Variants in PLXNA1 observed in about 807,000 individuals in gnomAD.
PLXNA1 encodes plexin-A1.
In PLXNA1, 77 loss-of-function variants were observed where a neutral mutation model predicts 191.7. That is an observed-to-expected ratio of 0.40 (90% CI 0.33 to 0.49). The LOEUF is 0.49. Ranked by LOEUF, PLXNA1 falls within the 20% of genes least tolerant of loss-of-function variation. The probability of loss-of-function intolerance (pLI) is 0.63; values close to 1 mark genes in which losing one functional copy is unlikely to be tolerated. For missense variants in PLXNA1, 2,110 were observed against 2,660.2 expected (o/e 0.79, Z 4.55); for synonymous variants, 1,137 against 1,156.4 (o/e 0.98, Z 0.34).
Position 127,017,481 on chromosome 3 carries a change from C to A in PLXNA1, c.3333C>A (p.Asn1111Lys). 1.2e-6 allele frequency: 2 copies of A among 1,613,518 alleles called. No homozygotes were observed. The highest frequency in any genetic ancestry group is 4.5e-5 in the East Asian group (2 of 44,872). The stretch of plus-strand genomic sequence containing the variant: ...TATGCCGCGCCCCGTCTGTGGCCAA[C>A]CCTGTGCGCAGCCCACCAGAGCTGG... ...TMVCRAPSVA[N>K]PVRSPPELGE... The change falls in exon 18 of 32, where the codon AAC (asparagine) becomes AAA (lysine). Residue 1111 changes from asparagine to lysine, a missense_variant. Around this residue, in one of 4 missense-constraint regions of PLXNA1, gnomAD observed 644 missense variants for 714.3 expected, o/e 0.90. Coordinates refer to ENST00000393409, the MANE Select transcript of PLXNA1 (RefSeq NM_032242.4).
At chr3:126,998,846 G>C (rs1452940225) in intron 3 of PLXNA1, among the ~76,000 whole-genome samples, 1 of 152,186 alleles carries the variant, frequency 6.6e-6, no homozygotes, top group Non-Finnish European at 1.5e-5. Flanking sequence ...GGGGGTGGAA[G>C]AGATGGGATT....
Position 127,011,942 on chromosome 3 carries a change from CTCT to C in PLXNA1, c.2113-11_2113-9del. On this transcript the variant is annotated splice_polypyrimidine_tract_variant and intron_variant, in intron 9 of 31. Transcript: ENST00000393409. ...GTCTCCGCCCCCGGGCTCAGCCAAA[CTCT>C]TCTTATCCCCAGGACTGCCCACAGA... The C allele has an allele frequency of 6.2e-7, 1 of 1,606,790 alleles. No individual in the cohort carries two copies. Among genetic ancestry groups the C allele is most frequent in the Non-Finnish European group, 8.5e-7 (1 of 1,174,264 alleles).
intron 9 of PLXNA1, among the ~76,000 whole-genome samples, chr3:127,010,507 C>T (rs1229415051): frequency 4.6e-5 from 7 of 152,056 alleles, no homozygotes; most frequent in African/African-American, 9.7e-5. Context: ...CTGAGAGGAC[C>T]GGGTGTGGCC....
chr3:127,021,739 C>T (rs547126142), intron 21 of PLXNA1, among the ~76,000 whole-genome samples: 3 of 152,284 alleles, frequency 2.0e-5, no homozygotes, highest in South Asian at 2.1e-4. Context: ...GAGAGGGTGG[C>T]GTGAGCAGCC....
chr3:126,988,018 A>G (rs988029504), intron 1 of PLXNA1, among the ~76,000 whole-genome samples: 1 of 152,110 alleles, frequency 6.6e-6, no homozygotes, highest in Non-Finnish European at 1.5e-5. Flanking sequence ...GGGAGTGAGC[A>G]CTAAAGCCCA....
At position 126,988,528 on chromosome 3, in the gene PLXNA1, G is replaced by A. The variant is rs2078972116; in HGVS notation, c.-66G>A. The A allele has an allele frequency of 3.7e-6, 5 of 1,365,810 alleles. No homozygotes were observed. The highest frequency in any genetic ancestry group is 4.8e-6 in the Non-Finnish European group (5 of 1,034,440). 84.6% of individuals were successfully genotyped at this position (1,365,810 alleles called of 1,614,324 possible). The stretch of plus-strand genomic sequence containing the variant: ...CTTCTGCCCCTTCCCCAGGGCTGAA[G>A]CTCCTGGCACCATGATGCTCACCCC... On this transcript the variant is annotated 5_prime_UTR_variant, in exon 2 of 32. Coordinates refer to ENST00000393409, the MANE Select transcript of PLXNA1 (RefSeq NM_032242.4).
At chr3:127,004,530 G>A (rs73196537) in intron 4 of PLXNA1, 81 bp from the exon 5 acceptor site, 2 of 970,000 alleles carry the variant, frequency 2.1e-6, no homozygotes, top group Non-Finnish European at 3.2e-6. Flanking sequence ...CCTAAGGAGA[G>A]CAGAGTAGGG....
chr3:127,027,755 T>A (rs768537164), intron 23 of PLXNA1, 185 bp from the exon 24 acceptor site: 45 of 785,222 alleles, frequency 5.7e-5, no homozygotes, highest in Non-Finnish European at 9.1e-5. Flanking sequence ...ATGTTTTGTT[T>A]CCTGATTTTC....
intron 21 of PLXNA1, among the ~76,000 whole-genome samples, chr3:127,021,584 G>A (rs1339007934): frequency 2.6e-5 from 4 of 152,202 alleles, no homozygotes; most frequent in Non-Finnish European, 4.4e-5. Context: ...GCAGAGACTG[G>A]TCGTGCATTG....
chr3:126,989,467 T>C lies in PLXNA1; in HGVS notation c.874T>C (p.Phe292Leu). Residue 292 changes from phenylalanine to leucine, a missense_variant, in exon 2 of 32, where the codon TTC becomes CTC. Physicochemically the swap from Phe to Leu is conservative, Grantham distance 22. Coordinates refer to ENST00000393409, the MANE Select transcript of PLXNA1 (RefSeq NM_032242.4). ...IVRLCVDDPK[F>L]YSYVEFPIGC... ...GCGGCTCTGTGTGGACGACCCCAAA[T>C]TCTACTCGTACGTTGAGTTCCCCAT... 6.2e-7 allele frequency: 1 copy of C among 1,613,676 alleles called. No homozygotes were observed. The highest frequency in any genetic ancestry group is 8.5e-7 in the Non-Finnish European group (1 of 1,180,028).
rs1299450244 is a variant in PLXNA1 at position 126,990,349 on chromosome 3, CCA to C, written c.1194+565_1194+566del. Among the ~76,000 whole-genome samples the C allele has an allele frequency of 6.6e-5, 10 of 152,352 alleles. No individual in the cohort carries two copies. In the South Asian group the frequency reaches 1.7e-3, roughly 25 times the overall value. On this transcript the variant is annotated intron_variant, in intron 2 of 31. Coordinates refer to ENST00000393409, the MANE Select transcript of PLXNA1 (RefSeq NM_032242.4). ...GGAGCTGATGGTGTCCTGGTGCAGG[CCA>C]CAGTTAACAACTTGCAGAGAAAGTG...
chr3:127,034,110 G>A lies in PLXNA1; in HGVS notation c.*93G>A, dbSNP rs1230496123. ...ACCGCATGCGTGTGGAGTGTCCGGT[G>A]GTGCTCGGGCCGCCGCAGTGCAGCG... On this transcript the variant is annotated 3_prime_UTR_variant, in exon 32 of 32. Coordinates refer to ENST00000393409, the MANE Select transcript of PLXNA1 (RefSeq NM_032242.4). The A allele has an allele frequency of 3.4e-6, 4 of 1,190,276 alleles. No homozygotes were observed. Among genetic ancestry groups the A allele is most frequent in the African/African-American group, 3.0e-5 (2 of 65,744 alleles). 73.7% of individuals were successfully genotyped at this position (1,190,276 alleles called of 1,614,324 possible).
chr3:126,988,901 C>A lies in PLXNA1; in HGVS notation c.308C>A (p.Ser103Tyr), dbSNP rs778668805. 4.3e-6 allele frequency: 7 copies of A among 1,613,292 alleles called. No individual in the cohort carries two copies. Among genetic ancestry groups the A allele is most frequent in the Non-Finnish European group, 5.9e-6 (7 of 1,180,016 alleles). ...EKCYPPPSVQ[S>Y]CPHGLGSTDN... ...TGCTACCCGCCGCCCAGCGTGCAGT[C>A]CTGCCCCCACGGCCTGGGCAGTACT... is the stretch of plus-strand genomic sequence containing the variant. Residue 103 changes from serine (S) to tyrosine (Y), a missense_variant, in exon 2 of 32, where the codon TCC becomes TAC. By Grantham distance (144) the Ser-to-Tyr change is moderately radical. Around this residue, in one of 4 missense-constraint regions of PLXNA1, gnomAD observed 903 missense variants for 1,015.7 expected, o/e 0.89. Coordinates refer to ENST00000393409, the MANE Select transcript of PLXNA1 (RefSeq NM_032242.4).
intron 7 of PLXNA1, 33 bp from the exon 8 acceptor site, chr3:127,006,046 A>C (rs1396228787): frequency 1.3e-6 from 2 of 1,555,208 alleles, no homozygotes; most frequent in Admixed American, 1.7e-5. Context: ...CTGGGCAAGC[A>C]GTCCTGGTGA....
Position 127,014,429 on chromosome 3 carries a change from C to T in PLXNA1, c.2605-49C>T, listed in dbSNP as rs747309070. The T allele has an allele frequency of 1.8e-5, 28 of 1,579,012 alleles. No homozygotes were observed. In the African/African-American group the frequency reaches 3.2e-4, roughly 18 times the overall value. On this transcript the variant is annotated intron_variant, in intron 12 of 31. Coordinates refer to ENST00000393409, the MANE Select transcript of PLXNA1 (RefSeq NM_032242.4). ...CCATGCCCCGCCCTGCACCACCGCA[C>T]ACCCTACGCCCTGTGGGATGCCTGT...
In PLXNA1 at chr3:127,029,309, C is replaced by G. The variant is rs539534850; in HGVS notation, c.4774-131C>G. 164 of 919,562 alleles carry G rather than the reference C, an allele frequency of 1.8e-4. No individual in the cohort carries two copies. In the South Asian group the frequency reaches 2.2e-3, roughly 13 times the overall value. 57.0% of individuals were successfully genotyped at this position (919,562 alleles called of 1,614,324 possible). On this transcript the variant is annotated intron_variant, in intron 26 of 31. Transcript: ENST00000393409. ...CCCTGGGCTGTCCTGATATAGAGTT[C>G]CAGACTGAGTGAGGTGGCTGCCTCC...
Position 127,014,278 on chromosome 3 carries a change from G to T in PLXNA1, c.2507G>T (p.Arg836Leu). Reference protein sequence around the residue: ...FECGWCVAERRCSLRHHCAAD... With the variant: ...FECGWCVAERLCSLRHHCAAD... ...TGCGGATGGTGCGTGGCCGAGCGCC[G>T]CTGCTCCCTGCGACACCACTGCGCT... The change falls in exon 12 of 32, where the codon CGC (arginine) becomes CTC (leucine). Residue 836 changes from arginine (R) to leucine (L), a missense_variant. Arg to Leu is a moderately radical substitution (Grantham distance 102). Transcript: ENST00000393409. 1.3e-6 allele frequency: 2 copies of T among 1,594,976 alleles called. No homozygotes were observed. The highest frequency in any genetic ancestry group is 8.5e-7 in the Non-Finnish European group (1 of 1,173,908).
At chr3:126,999,121 A>G (rs7644947) in intron 3 of PLXNA1, among the ~76,000 whole-genome samples, 87,808 of 151,950 alleles carry the variant, frequency 0.58, 27,657 homozygotes, top group Non-Finnish European at 0.7. Context: ...TCAGCTGTGC[A>G]GTTCTGGCTG....
Position 126,989,445 on chromosome 3 carries a change from G to T in PLXNA1, c.852G>T (p.Arg284=). ...GEHFFTSKIV[R]LCVDDPKFYS... ...ACTTCTTCACGTCCAAGATCGTGCG[G>T]CTCTGTGTGGACGACCCCAAATTCT... is the stretch of plus-strand genomic sequence containing the variant. The change falls in exon 2 of 32, where the codon CGG becomes CGT. Residue 284 remains arginine (R), a synonymous_variant. Transcript: ENST00000393409. 3 of 1,613,650 alleles carry T rather than the reference G, an allele frequency of 1.9e-6. No individual in the cohort carries two copies. Among genetic ancestry groups the T allele is most frequent in the Non-Finnish European group, 2.5e-6 (3 of 1,180,044 alleles).
Sources: gnomAD v4.1 joint callset for allele counts (sites outside exome capture counted in the v4.1 genomes callset) on GRCh38, gnomAD v4.1.1 for gene constraint, gnomAD v4.1.1 regional missense constraint, MANE v1.5 for transcripts, NCBI Gene and HGNC (gene_info 2026-07-23, HGNC 2026-07-21) for gene names.